SHISA5: variants seen among roughly 807,000 people sequenced by gnomAD.
SHISA5 encodes the protein shisa family member 5, also known as protein shisa-5.
In SHISA5, 21 loss-of-function variants were observed where a neutral mutation model predicts 27.5. The ratio of observed to expected loss-of-function variants is 0.76; its 90% CI spans 0.54 to 1.10. The LOEUF (loss-of-function observed/expected upper bound fraction) is 1.10. Among genes scored for constraint, SHISA5 ranks in the 50% least tolerant of loss-of-function variants. The pLI is 0.00. For missense variants in SHISA5, 314 were observed against 336.3 expected (o/e 0.93, Z 0.52); for synonymous variants, 137 against 142.2 (o/e 0.96, Z 0.26).
intron 2 of SHISA5, among the ~76,000 whole-genome samples, chr3:48,495,657 G>C (rs2041530613): frequency 6.8e-6 from 1 of 146,818 alleles, no homozygotes; most frequent in Non-Finnish European, 1.5e-5. Context: ...AAGTGGCTAA[G>C]ACTACAGGTG....
At position 48,468,443 on chromosome 3, in the gene SHISA5, G is replaced by A; in HGVS notation, c.*664C>T. 1 of 1,152,950 alleles carries A rather than the reference G, an allele frequency of 8.7e-7. No homozygotes were observed. The highest frequency in any genetic ancestry group is 1.1e-6 in the Non-Finnish European group (1 of 925,822). 71.4% of individuals were successfully genotyped at this position (1,152,950 alleles called of 1,614,324 possible). ...GCGGGGACAGGGGACAGTCCAGGCA[G>A]ACAGGTACAGCTGAGTAGGGCTCTG... On this transcript the variant is annotated 3_prime_UTR_variant, in exon 6 of 6. Coordinates refer to ENST00000296444, the MANE Select transcript of SHISA5 (RefSeq NM_016479.6).
intron 3 of SHISA5, among the ~76,000 whole-genome samples, chr3:48,478,334 G>A (rs539971385): frequency 2.5e-4 from 38 of 152,300 alleles, no homozygotes; most frequent in African/African-American, 9.1e-4. Flanking sequence ...GGGCCTACAG[G>A]ATGGGATGGG....
intron 2 of SHISA5, among the ~76,000 whole-genome samples, chr3:48,480,838 T>G (rs2040984062): frequency 6.6e-6 from 1 of 152,132 alleles, no homozygotes; most frequent in African/African-American, 2.4e-5. Flanking sequence ...CTCATGCCTG[T>G]AATCCCAGTG....
Position 48,470,605 on chromosome 3 carries a change from A to C in SHISA5, c.315-762T>G, listed in dbSNP as rs1314121681. Among the ~76,000 whole-genome samples, 1 of 152,212 alleles carries C rather than the reference A, an allele frequency of 6.6e-6. No individual in the cohort carries two copies. The highest frequency in any genetic ancestry group is 2.4e-5 in the African/African-American group (1 of 41,454). ...GGCCAGAGGGCCTGCCCTTTGAGAAAGCAGGCCCTGGGCTGGGAAGCTCAC... is the reference window on the plus strand; with the variant it reads ...GGCCAGAGGGCCTGCCCTTTGAGAACGCAGGCCCTGGGCTGGGAAGCTCAC... On this transcript the variant is annotated intron_variant, in intron 3 of 5. Coordinates refer to ENST00000296444, the MANE Select transcript of SHISA5 (RefSeq NM_016479.6). This position sits in a 1 kb window ranked among gnomAD's most constrained non-coding sequence, Gnocchi z 4.3.
intron 3 of SHISA5, 127 bp downstream of exon 3, chr3:48,479,050 G>A: frequency 2.5e-6 from 2 of 797,162 alleles, no homozygotes; most frequent in Non-Finnish European, 2.0e-6. Flanking sequence ...GGTCAGATAT[G>A]GTGACAGTTT....
chr3:48,473,346 AG>A lies in SHISA5; in HGVS notation c.315-3504del. 7.3e-7 allele frequency: 1 copy of A among 1,369,244 alleles called. No individual in the cohort carries two copies. Among genetic ancestry groups the A allele is most frequent in the Non-Finnish European group, 9.6e-7 (1 of 1,041,534 alleles). 84.8% of individuals were successfully genotyped at this position (1,369,244 alleles called of 1,614,324 possible). A position where few individuals can be genotyped will look rare whatever the true frequency, so the allele number is the denominator to read the frequency against. On this transcript the variant is annotated intron_variant, in intron 3 of 5. Transcript: ENST00000296444. This position sits in a 1 kb window ranked among gnomAD's most constrained non-coding sequence, Gnocchi z 4.3. Reference sequence around the variant, plus strand: ...GACCTCAGAATGCAGCCTGGCCACTAGGGGGTCTAAGAGCCACCCCAGCCTC... The same window carrying A: ...GACCTCAGAATGCAGCCTGGCCACTAGGGGTCTAAGAGCCACCCCAGCCTC...
rs2040434934 is a variant in SHISA5 at position 48,468,341 on chromosome 3, C to T, written c.*766G>A. 6.7e-6 allele frequency: 7 copies of T among 1,048,594 alleles called. No homozygotes were observed. The highest frequency in any genetic ancestry group is 8.1e-6 in the Non-Finnish European group (7 of 867,674). 65.0% of individuals were successfully genotyped at this position (1,048,594 alleles called of 1,614,324 possible). The stretch of plus-strand genomic sequence containing the variant: ...TGCTCACCTGTGGGAAGGGCAGGGC[C>T]AGCAAGGGCAGCAGAGCTCCCTGGG... On this transcript the variant is annotated 3_prime_UTR_variant, in exon 6 of 6. Transcript: ENST00000296444.
Position 48,468,185 on chromosome 3 carries a change from C to T in SHISA5, c.*922G>A. ...GTTGTCCATCTCTGAGCCAATTTCC[C>T]TCCACAACCCAGGGGTTTCAGTCTC... On this transcript the variant is annotated 3_prime_UTR_variant, in exon 6 of 6. Transcript: ENST00000296444. 1.0e-6 allele frequency: 1 copy of T among 1,000,336 alleles called. No homozygotes were observed. Among genetic ancestry groups the T allele is most frequent in the Non-Finnish European group, 1.2e-6 (1 of 837,800 alleles). 62.0% of individuals were successfully genotyped at this position (1,000,336 alleles called of 1,614,324 possible). A position where few individuals can be genotyped will look rare whatever the true frequency, so the allele number is the denominator to read the frequency against.
At position 48,470,108 on chromosome 3, in the gene SHISA5, C is replaced by A. The variant is rs918656906; in HGVS notation, c.315-265G>T. On this transcript the variant is annotated intron_variant, in intron 3 of 5. Transcript: ENST00000296444. This position sits in a 1 kb window ranked among gnomAD's most constrained non-coding sequence, Gnocchi z 4.3. The stretch of plus-strand genomic sequence containing the variant: ...GGGAGGAAGCTCTTCAAGTCCCATG[C>A]CACACACATACATCTATCTTGTCCA... 1.3e-5 allele frequency among the ~76,000 whole-genome samples: 2 copies of A among 152,202 alleles called. No individual in the cohort carries two copies. Among genetic ancestry groups the A allele is most frequent in the Non-Finnish European group, 2.9e-5 (2 of 68,036 alleles).
intron 2 of SHISA5, 62 bp downstream of exon 2, chr3:48,501,075 A>G: frequency 6.6e-7 from 1 of 1,520,610 alleles, no homozygotes; most frequent in Non-Finnish European, 8.9e-7. Flanking sequence ...TCTCTCTTCC[A>G]CATACTCTCC....
chr3:48,492,697 T>C (rs1048678504), intron 2 of SHISA5, among the ~76,000 whole-genome samples: 1 of 147,926 alleles, frequency 6.8e-6, no homozygotes, highest in Non-Finnish European at 1.5e-5. Context: ...AATAGGGACT[T>C]CTTAACCTCA....
chr3:48,473,057 C>T lies in SHISA5; in HGVS notation c.315-3214G>A. ...CCCAGAGGCCTCCTGTACCCCTGGG[C>T]TTTCCCCTCTTCCCATCGTGGGCCA... On this transcript the variant is annotated intron_variant, in intron 3 of 5. Coordinates refer to ENST00000296444, the MANE Select transcript of SHISA5 (RefSeq NM_016479.6). This position sits in a 1 kb window ranked among gnomAD's most constrained non-coding sequence, Gnocchi z 4.3. 1.3e-6 allele frequency: 2 copies of T among 1,527,224 alleles called. No individual in the cohort carries two copies. Among genetic ancestry groups the T allele is most frequent in the Non-Finnish European group, 1.7e-6 (2 of 1,143,866 alleles). The allele number at this position is 1,527,224 out of a possible 1,614,324, so 94.6% of individuals were successfully genotyped here.
chr3:48,489,094 A>G (rs2041342301), intron 2 of SHISA5, among the ~76,000 whole-genome samples: 1 of 151,998 alleles, frequency 6.6e-6, no homozygotes, highest in Non-Finnish European at 1.5e-5. Flanking sequence ...TGGGCCATAG[A>G]GCAAGCTTGT....
intron 3 of SHISA5, among the ~76,000 whole-genome samples, chr3:48,476,023 C>T (rs1337026422): frequency 6.6e-6 from 1 of 152,168 alleles, no homozygotes; most frequent in African/African-American, 2.4e-5. Context: ...CAGGCTCCAG[C>T]CTGCTGCCTC....
chr3:48,487,770 C>A (rs1195729544), intron 2 of SHISA5, among the ~76,000 whole-genome samples: 1 of 152,132 alleles, frequency 6.6e-6, no homozygotes, highest in Admixed American at 6.6e-5. Flanking sequence ...GTGGCACATG[C>A]CTGTAACCCA....
chr3:48,491,304 G>T (rs561643507), intron 2 of SHISA5, among the ~76,000 whole-genome samples: 170 of 152,126 alleles, frequency 1.1e-3, no homozygotes, highest in Non-Finnish European at 1.7e-3. Context: ...ATTTTTAGTA[G>T]AGACGGGGTT....
intron 3 of SHISA5, among the ~76,000 whole-genome samples, chr3:48,474,456 C>G (rs868643877): frequency 1.3e-5 from 2 of 151,830 alleles, no homozygotes; most frequent in Non-Finnish European, 2.9e-5. Flanking sequence ...CGTGCCTCAG[C>G]CTCCCGAGAA....
At chr3:48,488,398 T>C (rs941621208) in intron 2 of SHISA5, among the ~76,000 whole-genome samples, 3 of 151,506 alleles carry the variant, frequency 2.0e-5, no homozygotes, top group African/African-American at 7.3e-5. Flanking sequence ...CGGCTAACTT[T>C]TTGTATTTTT....
At chr3:48,475,421 G>A (rs992421426) in intron 3 of SHISA5, among the ~76,000 whole-genome samples, 6 of 152,126 alleles carry the variant, frequency 3.9e-5, no homozygotes, top group Non-Finnish European at 7.4e-5. Flanking sequence ...AGGATTGTAG[G>A]GTCTGGGGAG....
Sources: allele counts gnomAD v4.1 joint callset (sites outside exome capture counted in the v4.1 genomes callset), GRCh38; gene constraint gnomAD v4.1.1; non-coding constraint Gnocchi (gnomAD v3.1); transcripts MANE v1.5; gene names NCBI Gene and HGNC (gene_info 2026-07-23, HGNC 2026-07-21).